The following ACSL3 variants were observed in gnomAD, a reference collection of about 807,000 sequenced individuals.
ACSL3 encodes fatty acid CoA ligase Acsl3.
In ACSL3, 34 loss-of-function variants were observed where a neutral mutation model predicts 84.7. The observed-to-expected ratio is 0.40, with a 90% CI of 0.31 to 0.53. The LOEUF is 0.53. Among genes scored for constraint, ACSL3 ranks in the 20% least tolerant of loss-of-function variants. ACSL3 has a pLI of 0.48. For synonymous variants in ACSL3, 315 were observed against 299.4 expected (o/e 1.05, Z -0.54); for missense variants, 680 against 873.1 (o/e 0.78, Z 2.79).
chr2:222,928,331 G>C (rs1574563298), intron 12 of ACSL3, among the ~76,000 whole-genome samples: 1 of 152,218 alleles, frequency 6.6e-6, no homozygotes, highest in East Asian at 1.9e-4. Flanking sequence ...CATGGGAAAA[G>C]ATTAGAGAGG....
chr2:222,905,678 C>A (rs181921537), intron 3 of ACSL3, among the ~76,000 whole-genome samples: 2 of 152,090 alleles, frequency 1.3e-5, no homozygotes, highest in South Asian at 4.1e-4. Context: ...ACCAAATTCC[C>A]TCGACCAGTC....
rs1179676264 is a variant in ACSL3, at chr2:222,861,692, T to G, written c.-207+434T>G. 5 of 152,166 alleles carry G rather than the reference T, an allele frequency of 3.3e-5. No homozygotes were observed. In the East Asian group the frequency reaches 9.7e-4, roughly 29 times the overall value. The allele number at this position is 152,166 out of a possible 1,614,324, so 9.4% of individuals were successfully genotyped here. A position where few individuals can be genotyped will look rare whatever the true frequency, so the allele number is the denominator to read the frequency against. On this transcript the variant is annotated intron_variant, in intron 1 of 16. Coordinates refer to ENST00000357430, the MANE Select transcript of ACSL3 (RefSeq NM_004457.5). ...CAGCCCTGCGATTTCGGAAAACCCT[T>G]GTTTGGCGGGGCGGGAGGGGCTGTT...
intron 3 of ACSL3, among the ~76,000 whole-genome samples, chr2:222,908,308 T>A (rs1269717731): frequency 2.0e-5 from 3 of 152,132 alleles, no homozygotes; most frequent in Non-Finnish European, 4.4e-5. Flanking sequence ...AGGGAAGGAA[T>A]GTGGTGATTA....
At chr2:222,873,446 A>G (rs1695358723) in intron 1 of ACSL3, among the ~76,000 whole-genome samples, 1 of 152,248 alleles carries the variant, frequency 6.6e-6, no homozygotes. Flanking sequence ...AGGCATGTCA[A>G]TACTGTTGCT....
chr2:222,877,879 G>C (rs1695490188), intron 1 of ACSL3, among the ~76,000 whole-genome samples: 1 of 152,128 alleles, frequency 6.6e-6, no homozygotes, highest in Non-Finnish European at 1.5e-5. Flanking sequence ...TTAATTATAG[G>C]TGATCACAGT....
At chr2:222,921,175 TAACTC>T in intron 7 of ACSL3, 100 bp from the exon 8 acceptor site, 1 of 1,304,638 alleles carries the variant, frequency 7.7e-7, no homozygotes. Context: ...TGAGTTAAAT[TAACTC>T]AATTTGATTG....
chr2:222,933,557 GTACCCC>G (rs1697091792), intron 15 of ACSL3: 4 of 245,926 alleles, frequency 1.6e-5, no homozygotes, highest in South Asian at 1.6e-4. Context: ...TGCTGCCTTG[GTACCCC>G]TACCTACCTG....
intron 3 of ACSL3, among the ~76,000 whole-genome samples, chr2:222,904,191 A>T (rs909383721): frequency 6.6e-6 from 1 of 152,086 alleles, no homozygotes; most frequent in Non-Finnish European, 1.5e-5. Context: ...GAATTGCTTG[A>T]ACCTGGGAGG....
intron 1 of ACSL3, among the ~76,000 whole-genome samples, chr2:222,862,136 G>C (rs974745985): frequency 2.0e-5 from 3 of 152,228 alleles, no homozygotes; most frequent in Non-Finnish European, 4.4e-5. Flanking sequence ...TGAAAAGAAT[G>C]ACAAATAGCT....
intron 3 of ACSL3, among the ~76,000 whole-genome samples, chr2:222,906,266 G>A (rs1696292145): frequency 6.6e-6 from 1 of 152,136 alleles, no homozygotes; most frequent in African/African-American, 2.4e-5. Flanking sequence ...AGTCACCCTG[G>A]ACTGCCCTTC....
chr2:222,871,107 C>CA (rs1695289621), intron 1 of ACSL3, among the ~76,000 whole-genome samples: 1 of 152,042 alleles, frequency 6.6e-6, no homozygotes, highest in South Asian at 2.1e-4. Flanking sequence ...CAGGGGATGA[C>CA]AGAGGAAGCA....
In ACSL3 at chr2:222,911,555, T is replaced by C. The variant is rs998649586; in HGVS notation, c.378+2405T>C. On this transcript the variant is annotated intron_variant, in intron 4 of 16. Transcript: ENST00000357430. ...TCTAAGCATATATACAGAAGTCTTA[T>C]GTTTCAGGAAGCTTCGTTTTTCTCC... Among the ~76,000 whole-genome samples the C allele has an allele frequency of 2.6e-5, 4 of 152,264 alleles. No homozygotes were observed. The East Asian group carries it at 7.7e-4, about 29-fold the overall frequency.
intron 1 of ACSL3, among the ~76,000 whole-genome samples, chr2:222,874,977 A>G (rs1229478956): frequency 2.0e-5 from 3 of 152,102 alleles, no homozygotes; most frequent in Non-Finnish European, 4.4e-5. Context: ...GTAAAAATAG[A>G]ATTGAAGAAT....
At chr2:222,879,777 C>T (rs936281335) in intron 1 of ACSL3, among the ~76,000 whole-genome samples, 2 of 152,176 alleles carry the variant, frequency 1.3e-5, no homozygotes, top group African/African-American at 4.8e-5. Flanking sequence ...AGAACAGTAT[C>T]ACATATGTGA....
Position 222,916,292 on chromosome 2 carries a change from TA to T in ACSL3, c.379-20del, listed in dbSNP as rs71408546. On this transcript the variant is annotated intron_variant, in intron 4 of 16. Coordinates refer to ENST00000357430, the MANE Select transcript of ACSL3 (RefSeq NM_004457.5). ...CTGTAAATTATTATTTTGATTACAT[TA>T]AAAAAATTTTTTTTTGTTTTATCAG... is the stretch of plus-strand genomic sequence containing the variant. The T allele has an allele frequency of 1.4e-3, 2,023 of 1,404,604 alleles. 24 individuals carry two copies. The African/African-American group carries it at 0.025, about 17-fold the overall frequency. The allele number at this position is 1,404,604 out of a possible 1,614,324, so 87.0% of individuals were successfully genotyped here. A position where few individuals can be genotyped will look rare whatever the true frequency, so the allele number is the denominator to read the frequency against.
chr2:222,908,882 C>T lies in ACSL3; in HGVS notation c.110C>T (p.Thr37Ile), dbSNP rs201614126. The T allele has an allele frequency of 7.5e-6, 12 of 1,610,512 alleles. No homozygotes were observed. The highest frequency in any genetic ancestry group is 8.5e-6 in the Non-Finnish European group (10 of 1,177,694). Residue 37 changes from threonine (T) to isoleucine (I), a missense_variant, in exon 4 of 17, where the codon ACA becomes ATA. Transcript: ENST00000357430. ...CTAATATCACTTTATACTATTTTAA[C>T]ATACATTCCGTTTTATTTTTTCTCC... Reference protein sequence around the residue: ...HFLISLYTILTYIPFYFFSES... With the variant: ...HFLISLYTILIYIPFYFFSES...
At chr2:222,903,640 A>T (rs753907771) in intron 3 of ACSL3, among the ~76,000 whole-genome samples, 2 of 152,160 alleles carry the variant, frequency 1.3e-5, no homozygotes, top group African/African-American at 4.8e-5. Flanking sequence ...AATTTATAAA[A>T]TTTTTTTCTG....
intron 1 of ACSL3, among the ~76,000 whole-genome samples, chr2:222,874,529 A>G (rs1411067749): frequency 6.6e-6 from 1 of 152,058 alleles, no homozygotes; most frequent in Non-Finnish European, 1.5e-5. Context: ...GGTCTCTATA[A>G]AAATAATAAA....
intron 1 of ACSL3, among the ~76,000 whole-genome samples, chr2:222,886,828 C>T (rs1695734488): frequency 6.6e-6 from 1 of 152,114 alleles, no homozygotes; most frequent in Non-Finnish European, 1.5e-5. Context: ...TCATATACCC[C>T]TTCCCCTACA....
Sources: allele counts gnomAD v4.1 joint callset (sites outside exome capture counted in the v4.1 genomes callset), GRCh38; gene constraint gnomAD v4.1.1; transcripts MANE v1.5; gene names NCBI Gene and HGNC (gene_info 2026-07-23, HGNC 2026-07-21).